The following BMI1 variants were observed in gnomAD, a reference collection of about 807,000 sequenced individuals.
BMI1 encodes BMI1 proto-oncogene, polycomb ring finger, also known as polycomb complex protein BMI-1.
A neutral mutation model predicts 39.1 loss-of-function variants in BMI1; 9 were observed. The ratio of observed to expected loss-of-function variants is 0.23; its 90% CI spans 0.14 to 0.40. The LOEUF (loss-of-function observed/expected upper bound fraction) is 0.40. Ranked by LOEUF, BMI1 falls within the 10% of genes least tolerant of loss-of-function variation. The probability of loss-of-function intolerance (pLI) is 1.00; values close to 1 mark genes in which losing one functional copy is unlikely to be tolerated. For synonymous variants in BMI1, 131 were observed against 127.9 expected, an observed-to-expected ratio of 1.02 and a Z score of -0.16; for missense variants, 252 against 390.8, an observed-to-expected ratio of 0.64 and a Z score of 2.99.
intron 7 of BMI1, 44 bp downstream of exon 7, chr10:22,328,223 G>T: frequency 6.4e-7 from 1 of 1,562,376 alleles, no homozygotes; most frequent in Non-Finnish European, 8.6e-7. Flanking sequence ...ACATTGTTTG[G>T]AATCCAGATT....
In BMI1 at chr10:22,327,184, A is replaced by C. The variant is rs538763274; in HGVS notation, c.209+198A>C. Among the ~76,000 whole-genome samples, 9 of 152,302 alleles carry C rather than the reference A, an allele frequency of 5.9e-5. 1 individual carries two copies. The highest frequency in any genetic ancestry group is 2.2e-4 in the African/African-American group (9 of 41,568). On this transcript the variant is annotated intron_variant, in intron 3 of 9. Coordinates refer to ENST00000376663, the MANE Select transcript of BMI1 (RefSeq NM_005180.9). ...TTTAGACAAAGTTTAGTAGTATTCA[A>C]GTGATTTTAAGATTTTTTTTTCCTA...
rs752226313 is a variant in BMI1, at chr10:22,329,385, C to G, written c.824C>G (p.Pro275Arg). ...TCCACCTCTTCTTGTTTGCCTAGCC[C>G]CAGTACTCCAGTGCAGTCTCCTCAT... is the stretch of plus-strand genomic sequence containing the variant. ...IPSTSSCLPS[P>R]STPVQSPHPQ... The change falls in exon 10 of 10, where the codon CCC becomes CGC. Residue 275 changes from proline (P) to arginine (R), a missense_variant. Physicochemically the swap from Pro to Arg is moderately radical, Grantham distance 103. Around this residue, in one of 4 missense-constraint regions of BMI1, gnomAD observed 96 missense variants for 120.2 expected, o/e 0.80. Transcript: ENST00000376663. 3 of 1,614,134 alleles carry G rather than the reference C, an allele frequency of 1.9e-6. No individual in the cohort carries two copies. The highest frequency in any genetic ancestry group is 4.5e-5 in the East Asian group (2 of 44,888).
chr10:22,326,614 C>A (rs962223225), intron 2 of BMI1, 53 bp downstream of exon 2: 1 of 1,582,322 alleles, frequency 6.3e-7, no homozygotes, highest in African/African-American at 1.4e-5. Flanking sequence ...CACAGTTCGA[C>A]CTGGAATTTG....
At chr10:22,325,468 C>T (rs1375400158) in intron 1 of BMI1, among the ~76,000 whole-genome samples, 1 of 152,048 alleles carries the variant, frequency 6.6e-6, no homozygotes, top group Non-Finnish European at 1.5e-5. Context: ...CTGCCGCAGG[C>T]TCCGGGGTCC....
chr10:22,322,330 C>G (rs1477971559), intron 1 of BMI1, among the ~76,000 whole-genome samples: 6 of 152,182 alleles, frequency 3.9e-5, no homozygotes, highest in African/African-American at 1.4e-4. Flanking sequence ...GCCATCCCGC[C>G]AAGGTGGGTG....
At chr10:22,323,727 T>C (rs1836065224) in intron 1 of BMI1, among the ~76,000 whole-genome samples, 1 of 152,246 alleles carries the variant, frequency 6.6e-6, no homozygotes, top group Non-Finnish European at 1.5e-5. Context: ...TGTGTTACAA[T>C]GGCAAGTTTT....
At chr10:22,327,065 T>C (rs199744411) in intron 3 of BMI1, 79 bp downstream of exon 3, 11 of 1,506,732 alleles carry the variant, frequency 7.3e-6, no homozygotes, top group Middle Eastern at 3.9e-4. Context: ...TCTTTATTTC[T>C]TCACAGAAAA....
intron 1 of BMI1, among the ~76,000 whole-genome samples, chr10:22,325,104 C>A (rs1428532008): frequency 6.6e-6 from 1 of 152,244 alleles, no homozygotes; most frequent in Non-Finnish European, 1.5e-5. Context: ...AAATAAAACA[C>A]TGGGCTTTGC....
chr10:22,331,263 C>T lies in BMI1; in HGVS notation c.*1721C>T, dbSNP rs1349873392. On this transcript the variant is annotated 3_prime_UTR_variant, in exon 10 of 10. Coordinates refer to ENST00000376663, the MANE Select transcript of BMI1 (RefSeq NM_005180.9). ...AAAAGGATATTCATTTAGAAAATAG[C>T]TAAGATCTTTAATAAAAATTTGATA... 6.6e-6 allele frequency: 1 copy of T among 152,228 alleles called. No homozygotes were observed. The highest frequency in any genetic ancestry group is 1.9e-4 in the East Asian group (1 of 5,200). The allele number at this position is 152,228 out of a possible 1,614,324, so 9.4% of individuals were successfully genotyped here.
At chr10:22,323,949 C>T (rs541128087) in intron 1 of BMI1, among the ~76,000 whole-genome samples, 1 of 152,212 alleles carries the variant, frequency 6.6e-6, no homozygotes, top group Admixed American at 6.5e-5. Context: ...ATATAAGTAA[C>T]AGTGGTATTT....
At position 22,329,532 on chromosome 10, in the gene BMI1, C is replaced by A; in HGVS notation, c.971C>A (p.Ser324Tyr). The A allele has an allele frequency of 6.2e-7, 1 of 1,613,730 alleles. No individual in the cohort carries two copies. Among genetic ancestry groups the A allele is most frequent in the South Asian group, 1.1e-5 (1 of 91,078 alleles). The change falls in exon 10 of 10, where the codon TCT becomes TAT. Residue 324 changes from serine (S) to tyrosine (Y), a missense_variant. Physicochemically the swap from Ser to Tyr is moderately radical, Grantham distance 144. This residue lies in a region of BMI1 where 96 missense variants were observed against 120.2 expected (regional missense o/e 0.80). Coordinates refer to ENST00000376663, the MANE Select transcript of BMI1 (RefSeq NM_005180.9). ...TCAGTAAATGGGTCATCAGCAACTT[C>A]TTCTGGTTGATACCTGAGACTGTTA... ...KSSVNGSSAT[S>Y]SG
In BMI1 at chr10:22,327,759, A is replaced by C; in HGVS notation, c.283A>C (p.Arg95=). Residue 95 remains arginine, a synonymous_variant, in exon 5 of 10, where the codon AGG becomes CGG. Transcript: ENST00000376663. The part of the protein sequence containing the change: ...GLFKNEMKRR[R]DFYAAHPSAD... ...CCATTCAGATGAAATGAAGAGAAGA[A>C]GGGATTTTTATGCAGCTCATCCTTC... 2 of 1,613,466 alleles carry C rather than the reference A, an allele frequency of 1.2e-6. No homozygotes were observed. Among genetic ancestry groups the C allele is most frequent in the Middle Eastern group, 1.7e-4 (1 of 6,056 alleles).
chr10:22,321,790 C>T (rs940507926), intron 1 of BMI1, 94 bp downstream of exon 1: 17 of 144,850 alleles, frequency 1.2e-4, no homozygotes, highest in Admixed American at 6.8e-5. Context: ...GGGAGCCCCC[C>T]CCGCGCCCCG....
rs1388827126 is a variant in BMI1, at chr10:22,328,583, T to C, written c.472-17T>C. 1 of 1,580,258 alleles carries C rather than the reference T, an allele frequency of 6.3e-7. No homozygotes were observed. The highest frequency in any genetic ancestry group is 2.3e-5 in the East Asian group (1 of 44,164). ...TTAAAGTAACTGAAAAAGTTACTTT[T>C]CTAAATGTACTTTTAGGTGAATGAT... is the stretch of plus-strand genomic sequence containing the variant. On this transcript the variant is annotated splice_polypyrimidine_tract_variant and intron_variant, in intron 7 of 9. Transcript: ENST00000376663.
chr10:22,324,389 A>G (rs1159369639), intron 1 of BMI1, among the ~76,000 whole-genome samples: 1 of 152,014 alleles, frequency 6.6e-6, no homozygotes. Flanking sequence ...AAATATTGCT[A>G]CTCTTTAGGG....
chr10:22,329,335 C>T lies in BMI1; in HGVS notation c.774C>T (p.Ala258=), dbSNP rs767421037. ...AAAGTGACTCTGGGAGTGACAAGGC[C>T]AACAGCCCAGCAGGAGGTATTCCCT... is the stretch of plus-strand genomic sequence containing the variant. ...ELESDSGSDK[A]NSPAGGIPST... is the part of the protein sequence containing the mutation. Residue 258 remains alanine (A), a synonymous_variant, in exon 10 of 10, where the codon GCC becomes GCT. Coordinates refer to ENST00000376663, the MANE Select transcript of BMI1 (RefSeq NM_005180.9). 2.5e-5 allele frequency: 40 copies of T among 1,613,984 alleles called. No individual in the cohort carries two copies. The highest frequency in any genetic ancestry group is 3.2e-5 in the Non-Finnish European group (38 of 1,180,008).
At chr10:22,321,860 CG>C in intron 1 of BMI1, among the ~76,000 whole-genome samples, 164 bp downstream of exon 1, 1 of 143,750 alleles carries the variant, frequency 7.0e-6, no homozygotes, top group South Asian at 2.1e-4. Flanking sequence ...CCGCGCCGCC[CG>C]CCCCGCGCCT....
rs778973627 is a variant in BMI1 at position 22,330,941 on chromosome 10, A to G, written c.*1399A>G. On this transcript the variant is annotated 3_prime_UTR_variant, in exon 10 of 10. Transcript: ENST00000376663. ...AGTTATTTGTGAGGGTGTTTATTCTATATGAATATTGTTTCATGTTTGTAT... is the reference window on the plus strand; with the variant it reads ...AGTTATTTGTGAGGGTGTTTATTCTGTATGAATATTGTTTCATGTTTGTAT... 1.1e-4 allele frequency: 17 copies of G among 152,614 alleles called. No homozygotes were observed. Among genetic ancestry groups the G allele is most frequent in the African/African-American group, 3.1e-4 (13 of 41,464 alleles). The allele number at this position is 152,614 out of a possible 1,614,324, so 9.5% of individuals were successfully genotyped here.
At chr10:22,325,039 T>G (rs1187364556) in intron 1 of BMI1, among the ~76,000 whole-genome samples, 1 of 152,228 alleles carries the variant, frequency 6.6e-6, no homozygotes, top group Non-Finnish European at 1.5e-5. Context: ...TCTGTACATA[T>G]TGTCACTATT....
Sources: allele counts gnomAD v4.1 joint callset (sites outside exome capture counted in the v4.1 genomes callset), GRCh38; gene constraint gnomAD v4.1.1; regional missense constraint gnomAD v4.1.1; transcripts MANE v1.5; gene names NCBI Gene and HGNC (gene_info 2026-07-23, HGNC 2026-07-21).